The following COL13A1 variants were observed in gnomAD, a reference collection of about 807,000 sequenced individuals.
COL13A1 encodes collagen type XIII alpha 1 chain.
A neutral mutation model predicts 130.9 loss-of-function variants in COL13A1; 89 were observed. The observed-to-expected ratio is 0.68, with a 90% CI of 0.57 to 0.81. The LOEUF is 0.81. COL13A1 is among the 30% of genes least tolerant of loss of function. The pLI is 0.00. For missense variants in COL13A1, 879 were observed against 934.6 expected (o/e 0.94, Z 0.78); for synonymous variants, 402 against 341.6 (o/e 1.18, Z -1.95).
chr10:69,844,275 G>T (rs1018443210), intron 2 of COL13A1, among the ~76,000 whole-genome samples: 10 of 152,328 alleles, frequency 6.6e-5, no homozygotes, highest in Middle Eastern at 6.8e-3. Context: ...CATAGGCACA[G>T]TGCTCAGCAA....
intron 18 of COL13A1, among the ~76,000 whole-genome samples, 160 bp from the exon 19 acceptor site, chr10:69,918,125 G>A (rs889780116): frequency 5.3e-5 from 8 of 152,322 alleles, no homozygotes; most frequent in African/African-American, 1.9e-4. Flanking sequence ...CGTCAGCTCA[G>A]CGCCCCCACC....
intron 2 of COL13A1, among the ~76,000 whole-genome samples, chr10:69,859,041 C>A (rs577554730): frequency 6.6e-4 from 100 of 152,254 alleles, no homozygotes; most frequent in African/African-American, 2.4e-3. Flanking sequence ...AGTTGTACGA[C>A]TATGGGCCAG....
Position 69,802,622 on chromosome 10 carries a change from G to A in COL13A1, c.199G>A (p.Glu67Lys), listed in dbSNP as rs1840326149. ...LSLLAHFRTA[E>K]LQARVLRLEA... ...CCTGCTCGCCCACTTTCGGACGGCC[G>A]AGCTGCAGGCCCGGGTGCTGCGCCT... Residue 67 changes from glutamate to lysine, a missense_variant, in exon 1 of 41, where the codon GAG (glutamate) becomes AAG (lysine). Physicochemically the swap from Glu to Lys is moderately conservative, Grantham distance 56 (BLOSUM62 1). This residue lies in a region of COL13A1 where 715 missense variants were observed against 721.0 expected (regional missense o/e 0.99). Coordinates refer to ENST00000645393, the MANE Select transcript of COL13A1 (RefSeq NM_001368882.1). 2 of 1,613,150 alleles carry A rather than the reference G, an allele frequency of 1.2e-6. No homozygotes were observed. The highest frequency in any genetic ancestry group is 1.7e-6 in the Non-Finnish European group (2 of 1,179,502).
chr10:69,918,784 T>C (rs1407214756), intron 19 of COL13A1, among the ~76,000 whole-genome samples: 1 of 152,198 alleles, frequency 6.6e-6, no homozygotes, highest in Non-Finnish European at 1.5e-5. Flanking sequence ...CCAAACCAAA[T>C]GTCCATTCCT....
At chr10:69,891,996 C>T (rs544970799) in intron 10 of COL13A1, among the ~76,000 whole-genome samples, 7 of 152,298 alleles carry the variant, frequency 4.6e-5, no homozygotes, top group African/African-American at 1.7e-4. Flanking sequence ...TCCATGGGGC[C>T]GCTTTTCCTG....
chr10:69,915,993 T>G (rs759202670), intron 17 of COL13A1, among the ~76,000 whole-genome samples: 1 of 152,134 alleles, frequency 6.6e-6, no homozygotes, highest in Non-Finnish European at 1.5e-5. Context: ...AGGCCAAGGA[T>G]GTTTTAAGGC....
chr10:69,821,089 G>T (rs1181373741), intron 1 of COL13A1, among the ~76,000 whole-genome samples: 6 of 152,232 alleles, frequency 3.9e-5, no homozygotes, highest in Non-Finnish European at 8.8e-5. Context: ...AACCTTGTCA[G>T]GGTAGGGACT....
At chr10:69,869,120 T>C (rs2058814084) in intron 3 of COL13A1, among the ~76,000 whole-genome samples, 1 of 152,126 alleles carries the variant, frequency 6.6e-6, no homozygotes, top group African/African-American at 2.4e-5. Context: ...GACTTGAGGG[T>C]CCTTTCCTCA....
intron 2 of COL13A1, among the ~76,000 whole-genome samples, chr10:69,844,267 TAGGCACA>T (rs1212213702): frequency 6.6e-5 from 10 of 152,274 alleles, no homozygotes; most frequent in Middle Eastern, 6.8e-3. Context: ...GGATGGGCCA[TAGGCACA>T]GTGCTCAGCA....
rs778298840 is a variant in COL13A1 at position 69,917,286 on chromosome 10, C to T, written c.922-3C>T. 1.2e-6 allele frequency: 2 copies of T among 1,613,702 alleles called. No individual in the cohort carries two copies. The highest frequency in any genetic ancestry group is 1.7e-5 in the Admixed American group (1 of 59,998). On this transcript the variant is annotated splice_region_variant and splice_polypyrimidine_tract_variant and intron_variant, in intron 17 of 40. Transcript: ENST00000645393. ...CCTCATGCTTTCTCATTTCTTCCTCCAGGGAGAACGGGGCATGCCAGGGAT... is the reference window on the plus strand; with the variant it reads ...CCTCATGCTTTCTCATTTCTTCCTCTAGGGAGAACGGGGCATGCCAGGGAT...
chr10:69,895,924 G>A (rs957421011), intron 13 of COL13A1, among the ~76,000 whole-genome samples: 1 of 152,130 alleles, frequency 6.6e-6, no homozygotes, highest in East Asian at 1.9e-4. Context: ...CTGTGGCAGC[G>A]TGACTTGTGT....
At chr10:69,828,413 G>A (rs1001781669) in intron 2 of COL13A1, among the ~76,000 whole-genome samples, 1 of 152,124 alleles carries the variant, frequency 6.6e-6, no homozygotes, top group African/African-American at 2.4e-5. Context: ...GCCAGGTTCT[G>A]TCAACTCCAC....
intron 2 of COL13A1, among the ~76,000 whole-genome samples, chr10:69,835,221 C>T (rs1359829166): frequency 6.6e-6 from 1 of 152,170 alleles, no homozygotes; most frequent in African/African-American, 2.4e-5. Context: ...CTGCTCTGCC[C>T]TGAAGGAGAA....
At chr10:69,942,592 A>G (rs527631539) in intron 35 of COL13A1, among the ~76,000 whole-genome samples, 16 of 118,418 alleles carry the variant, frequency 1.4e-4, no homozygotes, top group African/African-American at 3.8e-4. Context: ...AAATGTGGGG[A>G]AAAAAAATAA....
intron 1 of COL13A1, among the ~76,000 whole-genome samples, chr10:69,809,345 G>T (rs1439740303): frequency 2.0e-5 from 3 of 152,216 alleles, no homozygotes; most frequent in Non-Finnish European, 2.9e-5. Context: ...ATTAGTAGCT[G>T]ATATTTATTG....
At chr10:69,924,508 G>C (rs1474901727) in intron 24 of COL13A1, among the ~76,000 whole-genome samples, 6 of 150,654 alleles carry the variant, frequency 4.0e-5, no homozygotes, top group Non-Finnish European at 7.4e-5. Flanking sequence ...ATTTCACTCG[G>C]CATTCTGGGT....
At chr10:69,865,155 A>G (rs546433310) in intron 2 of COL13A1, among the ~76,000 whole-genome samples, 2 of 152,258 alleles carry the variant, frequency 1.3e-5, no homozygotes, top group East Asian at 3.9e-4. Context: ...TGCCCACAAC[A>G]TGGCCCTGGA....
chr10:69,885,065 A>G (rs758509083), intron 7 of COL13A1, among the ~76,000 whole-genome samples: 37 of 152,260 alleles, frequency 2.4e-4, no homozygotes, highest in Non-Finnish European at 4.6e-4. Context: ...CCAACGAGCG[A>G]AATACTTAGA....
chr10:69,851,841 G>A (rs1028288120), intron 2 of COL13A1, among the ~76,000 whole-genome samples: 5 of 152,120 alleles, frequency 3.3e-5, no homozygotes, highest in Non-Finnish European at 7.3e-5. Flanking sequence ...TTTTAGTAGA[G>A]GTGGGGTTTT....
Sources: gnomAD v4.1 joint callset for allele counts (sites outside exome capture counted in the v4.1 genomes callset) on GRCh38, gnomAD v4.1.1 for gene constraint, gnomAD v4.1.1 regional missense constraint, MANE v1.5 for transcripts, NCBI Gene and HGNC (gene_info 2026-07-23, HGNC 2026-07-21) for gene names.